The following TNFAIP6 variants were observed in gnomAD, a reference collection of about 807,000 sequenced individuals.
TNFAIP6 encodes the protein tumor necrosis factor-inducible gene 6 protein.
In TNFAIP6, 36 loss-of-function variants were observed where a neutral mutation model predicts 33.7. The observed-to-expected ratio is 1.07, with a 90% CI of 0.82 to 1.41. The LOEUF (loss-of-function observed/expected upper bound fraction) is 1.41. Ranked by LOEUF, TNFAIP6 falls within the 40% of genes most tolerant of loss-of-function variation. TNFAIP6 has a pLI of 0.00. For missense variants in TNFAIP6, 273 were observed against 331.9 expected (o/e 0.82, Z 1.38); for synonymous variants, 113 against 112.8 (o/e 1.00, Z -0.01).
chr2:151,361,457 G>A (rs1684622691), intron 1 of TNFAIP6, among the ~76,000 whole-genome samples: 2 of 152,086 alleles, frequency 1.3e-5, no homozygotes, highest in South Asian at 4.1e-4. Flanking sequence ...AGAAAACTTT[G>A]TATACATTAA....
intron 5 of TNFAIP6, among the ~76,000 whole-genome samples, chr2:151,378,080 A>T (rs1684948120): frequency 6.6e-6 from 1 of 152,130 alleles, no homozygotes; most frequent in African/African-American, 2.4e-5. Context: ...GCTTTTGTTT[A>T]TATATATTTG....
chr2:151,375,016 T>C (rs1684877815), intron 5 of TNFAIP6, among the ~76,000 whole-genome samples: 1 of 151,252 alleles, frequency 6.6e-6, no homozygotes, highest in Admixed American at 6.6e-5. Flanking sequence ...TCCCAGCTAC[T>C]TGGGAGGCTG....
At chr2:151,366,687 G>A (rs935022318) in intron 3 of TNFAIP6, among the ~76,000 whole-genome samples, 1 of 152,122 alleles carries the variant, frequency 6.6e-6, no homozygotes, top group African/African-American at 2.4e-5. Flanking sequence ...TTGATACAAC[G>A]GGGAAAAGGA....
intron 1 of TNFAIP6, among the ~76,000 whole-genome samples, chr2:151,361,269 T>C (rs1684620368): frequency 6.6e-6 from 1 of 152,018 alleles, no homozygotes; most frequent in Admixed American, 6.6e-5. Flanking sequence ...AGAGATGGGG[T>C]TTCACCATGT....
intron 1 of TNFAIP6, among the ~76,000 whole-genome samples, chr2:151,362,953 GC>G (rs1684652836): frequency 6.6e-6 from 1 of 151,974 alleles, no homozygotes; most frequent in African/African-American, 2.4e-5. Context: ...TTTTTATATA[GC>G]TTAAATCCAA....
At chr2:151,377,789 G>C (rs1033143549) in intron 5 of TNFAIP6, among the ~76,000 whole-genome samples, 1 of 151,566 alleles carries the variant, frequency 6.6e-6, no homozygotes, top group Admixed American at 6.6e-5. Context: ...AGTCTGTCTC[G>C]TGCAAAATTT....
intron 1 of TNFAIP6, among the ~76,000 whole-genome samples, chr2:151,360,431 G>A (rs1170383693): frequency 1.3e-5 from 2 of 152,204 alleles, no homozygotes; most frequent in East Asian, 3.8e-4. Context: ...GGTAGAAACA[G>A]CAGTGGAACC....
chr2:151,361,566 A>G (rs934815428), intron 1 of TNFAIP6, among the ~76,000 whole-genome samples: 3 of 152,224 alleles, frequency 2.0e-5, no homozygotes, highest in Non-Finnish European at 4.4e-5. Context: ...AACAATCTCT[A>G]TTATAATACG....
At chr2:151,380,081 G>A (rs963336610), downstream of TNFAIP6, 7 of 151,950 alleles carry the variant, frequency 4.6e-5, no homozygotes, top group Admixed American at 3.9e-4. Context: ...TTTAAGACAA[G>A]GACCTGGAAA....
intron 1 of TNFAIP6, among the ~76,000 whole-genome samples, chr2:151,359,652 T>A (rs781058470): frequency 1.6e-4 from 24 of 152,170 alleles, no homozygotes; most frequent in Non-Finnish European, 2.9e-4. Context: ...CCTCCCAAAG[T>A]GCTGGGATTA....
At chr2:151,366,900 A>G (rs1201632788) in intron 3 of TNFAIP6, among the ~76,000 whole-genome samples, 4 of 152,168 alleles carry the variant, frequency 2.6e-5, no homozygotes, top group Non-Finnish European at 5.9e-5. Context: ...CATAATTACT[A>G]TAAAGAATTA....
intron 3 of TNFAIP6, among the ~76,000 whole-genome samples, chr2:151,367,604 T>C (rs1202575363): frequency 2.0e-5 from 3 of 152,218 alleles, no homozygotes; most frequent in Non-Finnish European, 4.4e-5. Context: ...GTCCTTTCAG[T>C]ATTTCATTGC....
chr2:151,371,321 A>G (rs1361332071), intron 4 of TNFAIP6, among the ~76,000 whole-genome samples: 1 of 152,170 alleles, frequency 6.6e-6, no homozygotes, highest in East Asian at 1.9e-4. Context: ...GGTATTTTAT[A>G]TATTCAGGTC....
intron 2 of TNFAIP6, among the ~76,000 whole-genome samples, chr2:151,364,501 G>A (rs1684680283): frequency 6.6e-6 from 1 of 152,116 alleles, no homozygotes; most frequent in African/African-American, 2.4e-5. Flanking sequence ...ATTGAATTTA[G>A]TGGCTTTTTT....
At chr2:151,371,232 C>T (rs16830005) in intron 4 of TNFAIP6, among the ~76,000 whole-genome samples, 27,587 of 152,020 alleles carry the variant, frequency 0.18, 2,878 homozygotes, top group African/African-American at 0.29. Context: ...ACAACCTTTT[C>T]CTTCACACTC....
chr2:151,376,864 TC>T (rs1357242542), intron 5 of TNFAIP6, among the ~76,000 whole-genome samples: 16 of 127,964 alleles, frequency 1.3e-4, no homozygotes, highest in Non-Finnish European at 2.2e-4. Flanking sequence ...CTTTTTCTTT[TC>T]TTTTTTTTTT....
Position 151,370,117 on chromosome 2 carries a change from C to T in TNFAIP6, c.492C>T (p.His164=). ...EYEDNQICYW[H]IRLKYGQRIH... ...AAGATAACCAAATCTGCTACTGGCACATTAGACTCAAGTATGGTCAGCGTA... is the reference window on the plus strand; with the variant it reads ...AAGATAACCAAATCTGCTACTGGCATATTAGACTCAAGTATGGTCAGCGTA... Residue 164 remains histidine (H), a synonymous_variant, in exon 4 of 6, where the codon CAC becomes CAT. Transcript: ENST00000243347. 6.2e-7 allele frequency: 1 copy of T among 1,614,074 alleles called. No individual in the cohort carries two copies. Among genetic ancestry groups the T allele is most frequent in the Non-Finnish European group, 8.5e-7 (1 of 1,179,988 alleles).
chr2:151,357,970 GA>G (rs1325624907), intron 1 of TNFAIP6, among the ~76,000 whole-genome samples: 5 of 151,664 alleles, frequency 3.3e-5, no homozygotes, highest in Non-Finnish European at 7.4e-5. Context: ...TTTATAAAGT[GA>G]ATTGTTCAGT....
intron 2 of TNFAIP6, among the ~76,000 whole-genome samples, chr2:151,364,896 G>C (rs796719445): frequency 6.6e-6 from 1 of 152,162 alleles, no homozygotes. Context: ...TGGAGTGGAA[G>C]AGACAAAGCC....
Sources: gnomAD v4.1 joint callset for allele counts (sites outside exome capture counted in the v4.1 genomes callset) on GRCh38, gnomAD v4.1.1 for gene constraint, MANE v1.5 for transcripts, NCBI Gene and HGNC (gene_info 2026-07-23, HGNC 2026-07-21) for gene names.